Variants in ATG9B observed in about 807,000 individuals in gnomAD.
ATG9B encodes autophagy-related protein 9B.
Under a neutral mutation model 92.9 loss-of-function variants are expected in ATG9B, and 92 were observed. That is an observed-to-expected ratio of 0.99 (90% confidence interval 0.84 to 1.18). The LOEUF is 1.18. ATG9B is among the 50% of genes most tolerant of loss of function. The probability of loss-of-function intolerance (pLI) is 0.00; values close to 1 mark genes in which losing one functional copy is unlikely to be tolerated. For missense variants in ATG9B, 1,344 were observed against 1,235.0 expected (o/e 1.09, Z -1.32); for synonymous variants, 599 against 551.4 (o/e 1.09, Z -1.21).
At position 151,018,233 on chromosome 7, in the gene ATG9B, A is replaced by G; in HGVS notation, c.1872+61T>C. The G allele has an allele frequency of 6.6e-7, 1 of 1,505,384 alleles. No individual in the cohort carries two copies. Among genetic ancestry groups the G allele is most frequent in the Non-Finnish European group, 8.8e-7 (1 of 1,135,816 alleles). The allele number at this position is 1,505,384 out of a possible 1,614,324, so 93.3% of individuals were successfully genotyped here. On this transcript the variant is annotated intron_variant, in intron 7 of 13. Transcript: ENST00000639579. This position sits in a 1 kb window ranked among gnomAD's most constrained non-coding sequence, Gnocchi z 4.7. ...CCAGACAGACCCTCCGCGCAGACAGACCCTCCGCGCAGACAGACCCCACAA... is the reference window on the plus strand; with the variant it reads ...CCAGACAGACCCTCCGCGCAGACAGGCCCTCCGCGCAGACAGACCCCACAA...
At chr7:151,022,188 C>T (rs763407879) in intron 4 of ATG9B, among the ~76,000 whole-genome samples, 3 of 148,422 alleles carry the variant, frequency 2.0e-5, no homozygotes, top group Admixed American at 6.7e-5. Flanking sequence ...GAAAATGAAT[C>T]GTCTGCTGGG....
At position 151,018,909 on chromosome 7, in the gene ATG9B, C is replaced by A; in HGVS notation, c.1429G>T (p.Gly477Trp). ...ELLRREPGAL[G>W]ARGWSRLARL... is the part of the protein sequence containing the mutation. ...GCCAGGCGGGACCAGCCGCGCGCCC[C>A]CAGCGCGCCAGGCTCGCGCCGCAGC... is the stretch of plus-strand genomic sequence containing the variant. The change falls in exon 6 of 14, where the codon GGG becomes TGG. Residue 477 changes from glycine (G) to tryptophan (W), a missense_variant. Gly to Trp is a radical substitution (Grantham distance 184). Transcript: ENST00000639579. The surrounding 1 kb of genome is among the most constrained non-coding windows in gnomAD (Gnocchi z 4.7). The A allele has an allele frequency of 1.3e-6, 2 of 1,490,542 alleles. No homozygotes were observed. Among genetic ancestry groups the A allele is most frequent in the Non-Finnish European group, 1.8e-6 (2 of 1,128,832 alleles). The allele number at this position is 1,490,542 out of a possible 1,614,324, so 92.3% of individuals were successfully genotyped here. A position where few individuals can be genotyped will look rare whatever the true frequency, so the allele number is the denominator to read the frequency against.
intron 4 of ATG9B, among the ~76,000 whole-genome samples, chr7:151,022,128 G>A (rs918021367): frequency 4.7e-5 from 7 of 148,526 alleles, no homozygotes. Flanking sequence ...GGTTGGCAAA[G>A]AGAACATTGC....
chr7:151,013,958 T>C (rs370865624), downstream of ATG9B: 818 of 1,605,168 alleles, frequency 5.1e-4, 2 homozygotes, highest in Non-Finnish European at 5.7e-4. Flanking sequence ...GCGGGGTTCC[T>C]GCTAAGGTCT....
Position 151,018,569 on chromosome 7 carries a change from C to A in ATG9B, c.1718+51G>T. 6.4e-7 allele frequency: 1 copy of A among 1,565,660 alleles called. No individual in the cohort carries two copies. The highest frequency in any genetic ancestry group is 1.8e-5 in the Admixed American group (1 of 54,882). On this transcript the variant is annotated intron_variant, in intron 6 of 13. Transcript: ENST00000639579. The surrounding 1 kb of genome is among the most constrained non-coding windows in gnomAD (Gnocchi z 4.7). ...ATTCGGGGGGAACCTCACATGGCCC[C>A]AGATCAGAGAAACCAACACACACCA...
chr7:151,017,183 C>T lies in ATG9B; in HGVS notation c.2142G>A (p.Ala714=), dbSNP rs781763888. The T allele has an allele frequency of 3.7e-6, 6 of 1,612,784 alleles. No homozygotes were observed. The highest frequency in any genetic ancestry group is 4.5e-5 in the East Asian group (2 of 44,878). ...GCCCTGGGGGGCGCCAGAGTGGATG[C>T]GCCAGGGAGAACCGCATCAAAGAAA... ...TELSLMRFSL[A]HPLWRPPGHS... is the part of the protein sequence containing the mutation. Residue 714 remains alanine, a synonymous_variant, in exon 9 of 14, where the codon GCG becomes GCA. Coordinates refer to ENST00000639579, the MANE Select transcript of ATG9B (RefSeq NM_001317056.2).
chr7:151,019,891 G>GT (rs1219695571), intron 5 of ATG9B: 2 of 153,040 alleles, frequency 1.3e-5, no homozygotes, highest in African/African-American at 4.8e-5. Flanking sequence ...GCGTGGTGGT[G>GT]TGCACCTGTG....
chr7:151,016,403 T>C (rs913641792), intron 11 of ATG9B, 28 bp downstream of exon 11: 1 of 1,547,112 alleles, frequency 6.5e-7, no homozygotes, highest in East Asian at 2.4e-5. Flanking sequence ...TCTCTCCACA[T>C]TTCTCCTTTG....
At chr7:151,019,411 T>C in intron 5 of ATG9B, 37 bp from the exon 6 acceptor site, 2 of 1,496,128 alleles carry the variant, frequency 1.3e-6, no homozygotes, top group Non-Finnish European at 1.8e-6. Flanking sequence ...CGACCCCCCA[T>C]TCCTCTCCAC....
At chr7:151,023,278 C>A in intron 3 of ATG9B, 72 bp from the exon 4 acceptor site, 1 of 1,607,962 alleles carries the variant, frequency 6.2e-7, no homozygotes, top group Non-Finnish European at 8.5e-7. Flanking sequence ...CTGCCCCAGC[C>A]CCCAGAGCAG....
intron 11 of ATG9B, 53 bp downstream of exon 11, chr7:151,016,378 G>C: frequency 1.3e-6 from 2 of 1,535,714 alleles, no homozygotes; most frequent in Non-Finnish European, 1.8e-6. Context: ...CAGTCTCCAT[G>C]TTGTTCACCT....
In ATG9B at chr7:151,024,023, G is replaced by T; in HGVS notation, c.401C>A (p.Pro134His). 6.3e-7 allele frequency: 1 copy of T among 1,592,732 alleles called. No homozygotes were observed. Among genetic ancestry groups the T allele is most frequent in the East Asian group, 2.3e-5 (1 of 44,064 alleles). ...TACCCGCAGCCCAGGAGAGTCCTGG[G>T]GGCACTGCTGTGAGGGAGTGGGGGT... ...PATPTPSQQC[P>H]QDSPGLRVGP... The change falls in exon 1 of 14, where the codon CCC (proline) becomes CAC (histidine). Residue 134 changes from proline (P) to histidine (H), a missense_variant. Pro to His is a moderately conservative substitution (Grantham distance 77, BLOSUM62 -2). Transcript: ENST00000639579.
At chr7:151,021,454 G>A in intron 4 of ATG9B, 125 bp from the exon 5 acceptor site, 1 of 1,339,594 alleles carries the variant, frequency 7.5e-7, no homozygotes, top group Admixed American at 3.0e-5. Context: ...CAGCTCTCAA[G>A]GTAGAGCCCG....
At position 151,017,122 on chromosome 7, in the gene ATG9B, C is replaced by A. The variant is rs771530344; in HGVS notation, c.2203G>T (p.Val735Leu). 6.2e-7 allele frequency: 1 copy of A among 1,612,588 alleles called. No individual in the cohort carries two copies. The highest frequency in any genetic ancestry group is 1.1e-5 in the South Asian group (1 of 90,886). Residue 735 changes from valine (V) to leucine (L), a missense_variant, in exon 9 of 14, where the codon GTA (valine) becomes TTA (leucine). Transcript: ENST00000639579. ...SKFLGHLWGR[V>L]QQDAAAWGAT... ...CCCCAGGCAGCTGCATCTTGTTGTA[C>A]TCGGCCCCAGAGGTGCCCAAGAAAC...
At chr7:151,014,306 T>G, downstream of ATG9B, 4 of 947,666 alleles carry the variant, frequency 4.2e-6, no homozygotes, top group Non-Finnish European at 6.1e-6. Context: ...GGATTCAGCA[T>G]TATTCCTCCA....
At position 151,023,226 on chromosome 7, in the gene ATG9B, G is replaced by C. The variant is rs756540226; in HGVS notation, c.660-20C>G. On this transcript the variant is annotated intron_variant, in intron 3 of 13. Transcript: ENST00000639579. ...AATTGTCTGCCGGGAGGAAGGGGGG[G>C]TGCCGGGATGCTGCAGTGATCAGGG... The C allele has an allele frequency of 1.2e-6, 2 of 1,614,046 alleles. No individual in the cohort carries two copies. The highest frequency in any genetic ancestry group is 1.1e-5 in the South Asian group (1 of 91,066).
chr7:151,016,524 A>C lies in ATG9B; in HGVS notation c.2427T>G (p.Ser809=), dbSNP rs1489316193. The change falls in exon 11 of 14, where the codon TCT becomes TCG. Residue 809 remains serine (S), a synonymous_variant. Coordinates refer to ENST00000639579, the MANE Select transcript of ATG9B (RefSeq NM_001317056.2). ...GGCCCCCAGTGCCTCCTGGGGACAC[A>C]GAGCTGGAACATAACATGAAGCAGG... ...SISRIAQDPS[S]VSPGGTGGQK... The C allele has an allele frequency of 1.3e-6, 2 of 1,550,796 alleles. No homozygotes were observed. The highest frequency in any genetic ancestry group is 3.9e-5 in the Admixed American group (2 of 50,974).
chr7:151,013,325 C>G (rs775282859), downstream of ATG9B: 1 of 1,613,924 alleles, frequency 6.2e-7, no homozygotes, highest in Non-Finnish European at 8.5e-7. Context: ...CCCAGCAGCG[C>G]GGGGTGTTTG....
intron 5 of ATG9B, among the ~76,000 whole-genome samples, chr7:151,020,529 G>A (rs1311007282): frequency 6.6e-6 from 1 of 152,218 alleles, no homozygotes; most frequent in Admixed American, 6.5e-5. Context: ...CATAAAGGCT[G>A]TGCAGAGGGC....
Sources: gnomAD v4.1 joint callset for allele counts (sites outside exome capture counted in the v4.1 genomes callset) on GRCh38, gnomAD v4.1.1 for gene constraint, Gnocchi (gnomAD v3.1) non-coding constraint, MANE v1.5 for transcripts, NCBI Gene and HGNC (gene_info 2026-07-23, HGNC 2026-07-21) for gene names.